ADAMTSL1: variants seen among roughly 807,000 people sequenced by gnomAD.
ADAMTSL1 encodes ADAMTS like 1.
A neutral mutation model predicts 201.8 loss-of-function variants in ADAMTSL1; 126 were observed. The observed-to-expected ratio is 0.62, with a 90% CI of 0.54 to 0.72. ADAMTSL1 has a LOEUF of 0.72. Ranked by LOEUF, ADAMTSL1 falls within the 30% of genes least tolerant of loss-of-function variation. ADAMTSL1 has a pLI of 0.00. For synonymous variants in ADAMTSL1, 1,121 were observed against 903.4 expected (o/e 1.24, Z -4.32); for missense variants, 2,679 against 2,277.8 (o/e 1.18, Z -3.59).
chr9:18,218,415 C>G (rs1202829426), intron 2 of ADAMTSL1, among the ~76,000 whole-genome samples: 1 of 152,082 alleles, frequency 6.6e-6, no homozygotes, highest in Non-Finnish European at 1.5e-5. Context: ...ATATTGACTG[C>G]TTGCTAGTTT....
At chr9:18,546,710 G>A (rs1396076676) in intron 3 of ADAMTSL1, among the ~76,000 whole-genome samples, 3 of 152,032 alleles carry the variant, frequency 2.0e-5, no homozygotes, top group African/African-American at 7.2e-5. Flanking sequence ...AGACAAAACT[G>A]TCAATTCTTA....
At chr9:18,893,799 T>G (rs979969208) in intron 26 of ADAMTSL1, among the ~76,000 whole-genome samples, 2 of 152,242 alleles carry the variant, frequency 1.3e-5, no homozygotes, top group African/African-American at 4.8e-5. Flanking sequence ...TTTGGAATAG[T>G]GTTATGCAAA....
chr9:18,308,967 C>T (rs1834013593), intron 2 of ADAMTSL1, among the ~76,000 whole-genome samples: 1 of 152,138 alleles, frequency 6.6e-6, no homozygotes, highest in Non-Finnish European at 1.5e-5. Context: ...TCTAGCAGCA[C>T]ATCAAAAAGC....
At chr9:17,917,315 T>C (rs1277930057) in intron 1 of ADAMTSL1, among the ~76,000 whole-genome samples, 3 of 152,138 alleles carry the variant, frequency 2.0e-5, no homozygotes, top group Non-Finnish European at 4.4e-5. Flanking sequence ...TGAACAGATA[T>C]CCTTGTCTTG....
At chr9:18,318,132 G>GT (rs1033062534) in intron 2 of ADAMTSL1, among the ~76,000 whole-genome samples, 1 of 152,172 alleles carries the variant, frequency 6.6e-6, no homozygotes, top group African/African-American at 2.4e-5. Context: ...TGCAAAGTGT[G>GT]TCATAAGTGA....
intron 1 of ADAMTSL1, among the ~76,000 whole-genome samples, chr9:18,094,638 G>T (rs1824164414): frequency 6.6e-6 from 1 of 150,702 alleles, no homozygotes; most frequent in South Asian, 2.1e-4. Context: ...CTTTCTAATT[G>T]CAACCTCCAC....
At chr9:18,221,384 C>T (rs1028125520) in intron 2 of ADAMTSL1, among the ~76,000 whole-genome samples, 3 of 152,166 alleles carry the variant, frequency 2.0e-5, no homozygotes, top group African/African-American at 4.8e-5. Context: ...TCACACAGTG[C>T]CCCTTCCCCA....
chr9:18,240,808 T>C (rs1189690830), intron 2 of ADAMTSL1, among the ~76,000 whole-genome samples: 4 of 152,352 alleles, frequency 2.6e-5, no homozygotes, highest in Admixed American at 2.0e-4. Flanking sequence ...GATAACTTGC[T>C]GCAGCCCTGT....
intron 1 of ADAMTSL1, among the ~76,000 whole-genome samples, chr9:18,116,960 A>G (rs1428486647): frequency 6.6e-6 from 1 of 152,162 alleles, no homozygotes; most frequent in Non-Finnish European, 1.5e-5. Context: ...CTCTGTCTTA[A>G]TTAAGGAAAC....
At chr9:18,574,517 T>G (rs1822578081) in intron 4 of ADAMTSL1, 1 of 583,940 alleles carries the variant, frequency 1.7e-6, no homozygotes, top group African/African-American at 1.9e-5. Context: ...TAAAAATTTT[T>G]GAATAGTGTT....
intron 13 of ADAMTSL1, among the ~76,000 whole-genome samples, chr9:18,696,020 G>A (rs1396846325): frequency 6.6e-6 from 1 of 152,192 alleles, no homozygotes; most frequent in African/African-American, 2.4e-5. Context: ...AGAGGGCAAA[G>A]GGAGAGGTGA....
intron 1 of ADAMTSL1, among the ~76,000 whole-genome samples, chr9:18,157,805 A>G (rs1399420180): frequency 1.3e-5 from 2 of 151,970 alleles, no homozygotes; most frequent in Admixed American, 1.3e-4. Context: ...CTTCTTGGGG[A>G]TCATATTTAG....
At chr9:18,634,189 A>T (rs1040135825) in intron 5 of ADAMTSL1, among the ~76,000 whole-genome samples, 4 of 152,148 alleles carry the variant, frequency 2.6e-5, no homozygotes, top group African/African-American at 9.7e-5. Context: ...GGTTCAGAGA[A>T]ATTGAGTAAC....
chr9:18,446,299 GA>G (rs1223125970), intron 2 of ADAMTSL1, among the ~76,000 whole-genome samples: 3 of 152,038 alleles, frequency 2.0e-5, no homozygotes, highest in South Asian at 2.1e-4. Flanking sequence ...ATGCCTGGGG[GA>G]AAAAAATGTT....
At chr9:18,516,143 A>G (rs929990257) in intron 2 of ADAMTSL1, among the ~76,000 whole-genome samples, 16 of 151,966 alleles carry the variant, frequency 1.1e-4, no homozygotes, top group Non-Finnish European at 2.1e-4. Context: ...TGCATAATTT[A>G]TTGAATTATT....
At chr9:18,584,682 A>G (rs1157801212) in intron 4 of ADAMTSL1, among the ~76,000 whole-genome samples, 6 of 152,168 alleles carry the variant, frequency 3.9e-5, no homozygotes, top group African/African-American at 1.4e-4. Flanking sequence ...TAGCTGCTGA[A>G]GCATTGTTAC....
chr9:17,927,342 A>C (rs7847522), intron 1 of ADAMTSL1, among the ~76,000 whole-genome samples: 132,992 of 152,132 alleles, frequency 0.87, 58,212 homozygotes, highest in East Asian at 0.94. Flanking sequence ...ATATACACAT[A>C]TATGTACATG....
chr9:18,257,566 C>T (rs1035463173), intron 2 of ADAMTSL1, among the ~76,000 whole-genome samples: 3 of 152,184 alleles, frequency 2.0e-5, no homozygotes, highest in South Asian at 2.1e-4. Context: ...TTGGAATCTT[C>T]GTGCATTGCT....
At chr9:18,045,523 C>T (rs961570828) in intron 1 of ADAMTSL1, among the ~76,000 whole-genome samples, 1 of 152,072 alleles carries the variant, frequency 6.6e-6, no homozygotes, top group Admixed American at 6.5e-5. Flanking sequence ...TACAAAGATA[C>T]CCATTCATGA....
Sources: allele counts gnomAD v4.1 joint callset (sites outside exome capture counted in the v4.1 genomes callset), GRCh38; gene constraint gnomAD v4.1.1; transcripts MANE v1.5; gene names NCBI Gene and HGNC (gene_info 2026-07-23, HGNC 2026-07-21).